ADAMTS16: variants seen among roughly 807,000 people sequenced by gnomAD.
ADAMTS16 encodes the protein ADAM metallopeptidase with thrombospondin type 1 motif 16, also known as A disintegrin and metalloproteinase with thrombospondin motifs 16.
In ADAMTS16, 94 loss-of-function variants were observed where a neutral mutation model predicts 145.8. That is an observed-to-expected ratio of 0.64 (90% CI 0.55 to 0.77). The LOEUF (loss-of-function observed/expected upper bound fraction) is 0.77. Among genes scored for constraint, ADAMTS16 ranks in the 30% least tolerant of loss-of-function variants. The pLI, the probability that ADAMTS16 is intolerant of heterozygous loss-of-function variation, is 0.00. For synonymous variants in ADAMTS16, 659 were observed against 604.3 expected, an observed-to-expected ratio of 1.09 and a Z score of -1.33; for missense variants, 1,585 against 1,591.5, an observed-to-expected ratio of 1.00 and a Z score of 0.07.
At chr5:5,232,653 G>T in intron 12 of ADAMTS16, 137 bp downstream of exon 12, 1 of 1,129,052 alleles carries the variant, frequency 8.9e-7, no homozygotes, top group Non-Finnish European at 1.2e-6. Context: ...ACCCAGGCTG[G>T]AGTGCAGTGG....
chr5:5,280,506 C>T, intron 18 of ADAMTS16, among the ~76,000 whole-genome samples: 1 of 152,134 alleles, frequency 6.6e-6, no homozygotes, highest in East Asian at 1.9e-4. Context: ...TACTCTGAAG[C>T]ACAGAGACAA....
chr5:5,187,907 C>G, intron 6 of ADAMTS16, 99 bp downstream of exon 6: 2 of 710,390 alleles, frequency 2.8e-6, no homozygotes, highest in South Asian at 2.0e-5. Flanking sequence ...GGGTTCTTCT[C>G]TCTCGAGGGC....
rs1734116898 is a variant in ADAMTS16, at chr5:5,317,859, A to G, written c.3412-275A>G. Reference sequence around the variant, plus strand: ...GGCTGTCTTCTATCTGAAAACAGGAAGGGTTCCAGGAGCTATGTCAGCTGG... The same window carrying G: ...GGCTGTCTTCTATCTGAAAACAGGAGGGGTTCCAGGAGCTATGTCAGCTGG... On this transcript the variant is annotated intron_variant, in intron 21 of 22. Transcript: ENST00000274181. This position sits in a 1 kb window ranked among gnomAD's most constrained non-coding sequence, Gnocchi z 4.5. Among the ~76,000 whole-genome samples the G allele has an allele frequency of 6.6e-6, 1 of 152,140 alleles. No individual in the cohort carries two copies. Among genetic ancestry groups the G allele is most frequent in the African/African-American group, 2.4e-5 (1 of 41,442 alleles).
At chr5:5,267,864 C>G (rs568016879) in intron 18 of ADAMTS16, among the ~76,000 whole-genome samples, 1 of 152,320 alleles carries the variant, frequency 6.6e-6, no homozygotes, top group South Asian at 2.1e-4. Flanking sequence ...TTCCCTGCCC[C>G]GCTCCCATAT....
rs368785011 is a variant in ADAMTS16, at chr5:5,160,808, G to A, written c.501+14353G>A. Among the ~76,000 whole-genome samples the A allele has an allele frequency of 7.9e-4, 119 of 150,258 alleles. 1 individual carries two copies. In the Middle Eastern group the frequency reaches 0.017, roughly 22 times the overall value. On this transcript the variant is annotated intron_variant, in intron 3 of 22. Coordinates refer to ENST00000274181, the MANE Select transcript of ADAMTS16 (RefSeq NM_139056.4). ...TTGACCTCAGGCCTAAGTTACATGT[G>A]TGCACCATTGGCTGAGAACTGGCAA...
At chr5:5,292,924 G>A (rs549682944) in intron 18 of ADAMTS16, among the ~76,000 whole-genome samples, 62 of 152,336 alleles carry the variant, frequency 4.1e-4, no homozygotes, top group African/African-American at 1.4e-3. Context: ...TGGGCCCCAC[G>A]TGGTGTCTGT....
chr5:5,198,600 T>A (rs368065017), intron 8 of ADAMTS16, among the ~76,000 whole-genome samples: 1 of 152,198 alleles, frequency 6.6e-6, no homozygotes, highest in South Asian at 2.1e-4. Flanking sequence ...TAAAGCTACC[T>A]TGTAGAGCTG....
chr5:5,319,161 G>A lies in ADAMTS16; in HGVS notation c.*23G>A, dbSNP rs777790943. 34 of 1,553,030 alleles carry A rather than the reference G, an allele frequency of 2.2e-5. No homozygotes were observed. Among genetic ancestry groups the A allele is most frequent in the Non-Finnish European group, 2.7e-5 (31 of 1,133,082 alleles). ...TGAGTTGGGACCGCTCTCCGTAGCA[G>A]AGAAAGTGCCTGCGTGGCACAGAAA... On this transcript the variant is annotated 3_prime_UTR_variant, in exon 23 of 23. Transcript: ENST00000274181.
At chr5:5,242,287 C>G in intron 17 of ADAMTS16, 96 bp downstream of exon 17, 1 of 1,467,952 alleles carries the variant, frequency 6.8e-7, no homozygotes, top group East Asian at 2.4e-5. Flanking sequence ...ATGAGCAGCC[C>G]GGGGCTTCTC....
chr5:5,314,789 A>C (rs1416019893), intron 21 of ADAMTS16, among the ~76,000 whole-genome samples: 1 of 152,134 alleles, frequency 6.6e-6, no homozygotes, highest in East Asian at 1.9e-4. Context: ...GACACTGTGC[A>C]TCTTGGAAGC....
chr5:5,168,389 C>G (rs1475839601), intron 3 of ADAMTS16, among the ~76,000 whole-genome samples: 1 of 94,860 alleles, frequency 1.1e-5, no homozygotes. Context: ...TATTATTTTA[C>G]AATTCCTTTC....
At chr5:5,146,018 T>C in intron 2 of ADAMTS16, 112 bp from the exon 3 acceptor site, 1 of 935,884 alleles carries the variant, frequency 1.1e-6, no homozygotes, top group Non-Finnish European at 1.6e-6. Flanking sequence ...TTCTTCATCA[T>C]TTTTGACTGG....
chr5:5,176,878 A>G (rs1190045183), intron 3 of ADAMTS16, among the ~76,000 whole-genome samples: 1 of 152,188 alleles, frequency 6.6e-6, no homozygotes, highest in Non-Finnish European at 1.5e-5. Flanking sequence ...TGTGGGGCAC[A>G]TAGACAGTTG....
At chr5:5,151,214 TCTTATTTA>T (rs1228852859) in intron 3 of ADAMTS16, among the ~76,000 whole-genome samples, 55 of 137,984 alleles carry the variant, frequency 4.0e-4, no homozygotes, top group East Asian at 2.3e-3. Context: ...ATTTCTTTTC[TCTTATTTA>T]TTTATTTATT....
chr5:5,305,064 CA>C (rs1740008310), intron 20 of ADAMTS16, among the ~76,000 whole-genome samples: 1 of 50,550 alleles, frequency 2.0e-5, no homozygotes, highest in Non-Finnish European at 4.1e-5. Context: ...CATCCCACAC[CA>C]CACACACACA....
chr5:5,234,464 G>A (rs1237105511), intron 12 of ADAMTS16, among the ~76,000 whole-genome samples: 1 of 152,202 alleles, frequency 6.6e-6, no homozygotes, highest in Non-Finnish European at 1.5e-5. Context: ...TGGGCCCAGA[G>A]AGGAGCAAAG....
At chr5:5,229,140 T>C (rs1736850875) in intron 11 of ADAMTS16, among the ~76,000 whole-genome samples, 1 of 149,918 alleles carries the variant, frequency 6.7e-6, no homozygotes, top group Admixed American at 6.6e-5. Flanking sequence ...CTACTAAAAA[T>C]ACAAAAAATT....
At chr5:5,225,060 G>T (rs1271871821) in intron 11 of ADAMTS16, among the ~76,000 whole-genome samples, 9 of 151,984 alleles carry the variant, frequency 5.9e-5, no homozygotes, top group Non-Finnish European at 1.0e-4. Context: ...AGATAGAGTA[G>T]GTTCCTAAAA....
chr5:5,168,647 T>C (rs938263776), intron 3 of ADAMTS16, among the ~76,000 whole-genome samples: 20 of 97,124 alleles, frequency 2.1e-4, no homozygotes, highest in African/African-American at 6.4e-4. Flanking sequence ...TATATAATTA[T>C]ATTTATATAT....
Sources: gnomAD v4.1 joint callset for allele counts (sites outside exome capture counted in the v4.1 genomes callset) on GRCh38, gnomAD v4.1.1 for gene constraint, Gnocchi (gnomAD v3.1) non-coding constraint, MANE v1.5 for transcripts, NCBI Gene and HGNC (gene_info 2026-07-23, HGNC 2026-07-21) for gene names.